The following OTX2 variants were observed in gnomAD, a reference collection of about 807,000 sequenced individuals.
The protein encoded by OTX2 is homeobox protein OTX2.
In OTX2, 4 loss-of-function variants were observed where a neutral mutation model predicts 29.0. The ratio of observed to expected loss-of-function variants is 0.14; its 90% CI spans 0.07 to 0.32. The LOEUF (loss-of-function observed/expected upper bound fraction) is 0.32, where lower values mean the gene tolerates loss of function less well. Ranked by LOEUF, OTX2 falls within the 10% of genes least tolerant of loss-of-function variation. The pLI, the probability that OTX2 is intolerant of heterozygous loss-of-function variation, is 1.00. For missense variants in OTX2, 298 were observed against 365.9 expected, an observed-to-expected ratio of 0.81 and a Z score of 1.51; for synonymous variants, 134 against 141.0, an observed-to-expected ratio of 0.95 and a Z score of 0.35.
At chr14:56,808,656 T>A (rs887532766) in intron 2 of OTX2, among the ~76,000 whole-genome samples, 1 of 152,130 alleles carries the variant, frequency 6.6e-6, no homozygotes, top group Non-Finnish European at 1.5e-5. Flanking sequence ...TTTTGGTGCC[T>A]GTAAAAAGTC....
intron 2 of OTX2, among the ~76,000 whole-genome samples, chr14:56,806,407 T>C (rs1032019587): frequency 6.6e-6 from 1 of 152,240 alleles, no homozygotes; most frequent in East Asian, 1.9e-4. Flanking sequence ...TATTTAAGCA[T>C]ATTCCAAAAA....
In OTX2 at chr14:56,808,601, T is replaced by TG. The variant is rs1385324567; in HGVS notation, c.-120+1557dup. 2.6e-5 allele frequency among the ~76,000 whole-genome samples: 4 copies of TG among 152,304 alleles called. No homozygotes were observed. In the East Asian group the frequency reaches 7.7e-4, roughly 29 times the overall value. On this transcript the variant is annotated intron_variant, in intron 2 of 4. Transcript: ENST00000672264. ...TGAGGTCTGGGTGTCTACCTTACTC[T>TG]GGGGGGAGGAGTTCCCTCTCCTACT...
chr14:56,804,050 G>A lies in OTX2; in HGVS notation c.273+138C>T, dbSNP rs1302967513. On this transcript the variant is annotated intron_variant, in intron 4 of 4. Coordinates refer to ENST00000672264, the MANE Select transcript of OTX2 (RefSeq NM_021728.4). This position sits in a 1 kb window ranked among gnomAD's most constrained non-coding sequence, Gnocchi z 4.1. ...GGCAAAAAAGGGCAGAAGGAGAATA[G>A]TTTCCTGGCCCCTTAGTGAGTGAAG... is the stretch of plus-strand genomic sequence containing the variant. 4.7e-5 allele frequency: 49 copies of A among 1,041,690 alleles called. No individual in the cohort carries two copies. The highest frequency in any genetic ancestry group is 6.4e-5 in the Non-Finnish European group (44 of 690,558). The allele number at this position is 1,041,690 out of a possible 1,614,324, so 64.5% of individuals were successfully genotyped here. A position where few individuals can be genotyped will look rare whatever the true frequency, so the allele number is the denominator to read the frequency against.
Position 56,804,393 on chromosome 14 carries a change from A to T in OTX2, c.98-30T>A, listed in dbSNP as rs771058050. On this transcript the variant is annotated intron_variant, in intron 3 of 4. Transcript: ENST00000672264. The surrounding 1 kb of genome is among the most constrained non-coding windows in gnomAD (Gnocchi z 4.1). ...AGGGTGGGGGAGCAGTTTCTCAGTCATAGGCGTTTCCGCGGGTTCTCCGAC... is the reference window on the plus strand; with the variant it reads ...AGGGTGGGGGAGCAGTTTCTCAGTCTTAGGCGTTTCCGCGGGTTCTCCGAC... 1.9e-6 allele frequency: 3 copies of T among 1,598,550 alleles called. No homozygotes were observed. Among genetic ancestry groups the T allele is most frequent in the East Asian group, 2.2e-5 (1 of 44,626 alleles).
At chr14:56,809,117 C>A (rs1251887654) in intron 2 of OTX2, among the ~76,000 whole-genome samples, 1 of 152,298 alleles carries the variant, frequency 6.6e-6, no homozygotes, top group South Asian at 2.1e-4. Flanking sequence ...AGCGCGCGGG[C>A]GAGCCCTGCC....
Position 56,801,701 on chromosome 14 carries a change from A to T in OTX2, c.*34T>A, listed in dbSNP as rs182392988. The T allele has an allele frequency of 5.0e-6, 8 of 1,609,410 alleles. No homozygotes were observed. In the East Asian group the frequency reaches 1.8e-4, roughly 36 times the overall value. ...CTGGAATGTCCAGCCCAGTATATTT[A>T]AAAATCACCCACAAAAAGAGGTTCT... On this transcript the variant is annotated 3_prime_UTR_variant, in exon 5 of 5. Coordinates refer to ENST00000672264, the MANE Select transcript of OTX2 (RefSeq NM_021728.4). This position sits in a 1 kb window ranked among gnomAD's most constrained non-coding sequence, Gnocchi z 4.2.
rs957350131 is a variant in OTX2, at chr14:56,800,638, T to G, written c.*1097A>C. On this transcript the variant is annotated 3_prime_UTR_variant, in exon 5 of 5. Transcript: ENST00000672264. ...TCTCTGTCCTAAGAAAAACGTGTTT[T>G]GGGGAGGAAAGGCTGAATGTAGGCT... is the stretch of plus-strand genomic sequence containing the variant. 2.0e-5 allele frequency: 3 copies of G among 152,492 alleles called. No homozygotes were observed. Among genetic ancestry groups the G allele is most frequent in the East Asian group, 3.8e-4 (2 of 5,198 alleles). 9.4% of individuals were successfully genotyped at this position (152,492 alleles called of 1,614,324 possible).
rs1248550401 is a variant in OTX2, at chr14:56,802,459, C to T, written c.274-104G>A. On this transcript the variant is annotated intron_variant, in intron 4 of 4. Transcript: ENST00000672264. The surrounding 1 kb of genome is among the most constrained non-coding windows in gnomAD (Gnocchi z 4.4). ...ATCCTACATGGGCAGATCAGCTAAA[C>T]ACACAATTTCCCCTGCCACTGAAGA... 14 of 1,282,324 alleles carry T rather than the reference C, an allele frequency of 1.1e-5. No homozygotes were observed. Among genetic ancestry groups the T allele is most frequent in the East Asian group, 2.3e-5 (1 of 43,464 alleles). 79.4% of individuals were successfully genotyped at this position (1,282,324 alleles called of 1,614,324 possible). A position where few individuals can be genotyped will look rare whatever the true frequency, so the allele number is the denominator to read the frequency against.
At chr14:56,803,322 C>G (rs563318204) in intron 4 of OTX2, among the ~76,000 whole-genome samples, 10 of 152,326 alleles carry the variant, frequency 6.6e-5, no homozygotes, top group African/African-American at 2.2e-4. Context: ...AGCTCAAGAC[C>G]ACCAACCATT....
At chr14:56,808,055 G>A (rs936296259) in intron 2 of OTX2, among the ~76,000 whole-genome samples, 3 of 151,404 alleles carry the variant, frequency 2.0e-5, no homozygotes, top group South Asian at 4.2e-4. Flanking sequence ...CGCGCCCCCC[G>A]CGCAGCCTTA....
chr14:56,805,257 C>G, intron 3 of OTX2, 103 bp downstream of exon 3: 1 of 780,980 alleles, frequency 1.3e-6, no homozygotes, highest in South Asian at 1.5e-5. Flanking sequence ...TGGGTGGGGA[C>G]AGTGTGACTG....
In OTX2 at chr14:56,805,348, G is replaced by A. The variant is rs28757218; in HGVS notation, c.97+12C>T. On this transcript the variant is annotated intron_variant, in intron 3 of 4. Transcript: ENST00000672264. ...GGAAGAGGGGTGCGGGAGTGCAGCAGGGCTCACTTACCCGGGTAGCCCACG... is the reference window on the plus strand; with the variant it reads ...GGAAGAGGGGTGCGGGAGTGCAGCAAGGCTCACTTACCCGGGTAGCCCACG... 20,923 of 1,583,370 alleles carry A rather than the reference G, an allele frequency of 0.013. 171 individuals are homozygous for A. Among genetic ancestry groups the A allele is most frequent in the Non-Finnish European group, 0.015 (17,776 of 1,152,068 alleles).
Position 56,800,587 on chromosome 14 carries a change from A to G in OTX2, c.*1148T>C, listed in dbSNP as rs1458598610. 1.3e-5 allele frequency: 2 copies of G among 152,240 alleles called. No homozygotes were observed. Among genetic ancestry groups the G allele is most frequent in the East Asian group, 3.9e-4 (2 of 5,192 alleles). The allele number at this position is 152,240 out of a possible 1,614,324, so 9.4% of individuals were successfully genotyped here. A position where few individuals can be genotyped will look rare whatever the true frequency, so the allele number is the denominator to read the frequency against. On this transcript the variant is annotated 3_prime_UTR_variant, in exon 5 of 5. Coordinates refer to ENST00000672264, the MANE Select transcript of OTX2 (RefSeq NM_021728.4). ...TTATGCATAGATTAGCAAAAAAAAA[A>G]AGTAAAAATAAGTTTGCTAATTTAC...
rs1891885079 is a variant in OTX2 at position 56,801,732 on chromosome 14, T to C, written c.*3A>G. The C allele has an allele frequency of 1.2e-6, 2 of 1,613,686 alleles. No homozygotes were observed. Among genetic ancestry groups the C allele is most frequent in the Non-Finnish European group, 1.7e-6 (2 of 1,179,974 alleles). On this transcript the variant is annotated 3_prime_UTR_variant, in exon 5 of 5. Transcript: ENST00000672264. This position sits in a 1 kb window ranked among gnomAD's most constrained non-coding sequence, Gnocchi z 4.2. ...CACCCACAAAAAGAGGTTCTACAGG[T>C]CTTCACAAAACCTGGAATTTCCACG...
chr14:56,801,532 A>C lies in OTX2; in HGVS notation c.*203T>G, dbSNP rs985397680. 1.6e-6 allele frequency: 1 copy of C among 613,600 alleles called. No homozygotes were observed. The highest frequency in any genetic ancestry group is 2.0e-5 in the South Asian group (1 of 50,576). The allele number at this position is 613,600 out of a possible 1,614,324, so 38.0% of individuals were successfully genotyped here. On this transcript the variant is annotated 3_prime_UTR_variant, in exon 5 of 5. Transcript: ENST00000672264. This position sits in a 1 kb window ranked among gnomAD's most constrained non-coding sequence, Gnocchi z 4.2. The stretch of plus-strand genomic sequence containing the variant: ...GATCTAAAACTATGACAGGATCTTA[A>C]GCAGATTGGTTTGTCCATTTCATGT...
rs780072062 is a variant in OTX2, at chr14:56,801,709, C to G, written c.*26G>C. On this transcript the variant is annotated 3_prime_UTR_variant, in exon 5 of 5. Coordinates refer to ENST00000672264, the MANE Select transcript of OTX2 (RefSeq NM_021728.4). The surrounding 1 kb of genome is among the most constrained non-coding windows in gnomAD (Gnocchi z 4.2). ...TCCAGCCCAGTATATTTAAAAATCACCCACAAAAAGAGGTTCTACAGGTCT... is the reference window on the plus strand; with the variant it reads ...TCCAGCCCAGTATATTTAAAAATCAGCCACAAAAAGAGGTTCTACAGGTCT... 1 of 1,611,678 alleles carries G rather than the reference C, an allele frequency of 6.2e-7. No homozygotes were observed.
intron 2 of OTX2, among the ~76,000 whole-genome samples, chr14:56,805,890 C>A (rs1892076082): frequency 6.7e-6 from 1 of 148,936 alleles, no homozygotes; most frequent in Non-Finnish European, 1.5e-5. Context: ...CCTTCAAATG[C>A]ACACATTGCA....
At position 56,802,239 on chromosome 14, in the gene OTX2, A is replaced by T. The variant is rs1891916719; in HGVS notation, c.390T>A (p.Ser130Arg). The T allele has an allele frequency of 6.2e-7, 1 of 1,613,734 alleles. No individual in the cohort carries two copies. The highest frequency in any genetic ancestry group is 8.5e-7 in the Non-Finnish European group (1 of 1,179,980). Residue 130 changes from serine (S) to arginine (R), a missense_variant, in exon 5 of 5, where the codon AGT becomes AGA. Around this residue, in one of 3 missense-constraint regions of OTX2, gnomAD observed 219 missense variants for 223.5 expected, o/e 0.98. Coordinates refer to ENST00000672264, the MANE Select transcript of OTX2 (RefSeq NM_021728.4). This position sits in a 1 kb window ranked among gnomAD's most constrained non-coding sequence, Gnocchi z 4.4. Reference protein sequence around the residue: ...KKKTSPAREVSSESGTSGQFT... With the variant: ...KKKTSPAREVRSESGTSGQFT... The stretch of plus-strand genomic sequence containing the variant: ...ATTGGCCACTTGTTCCACTCTCTGA[A>T]CTCACTTCCCGAGCTGGAGATGTCT...
At position 56,801,603 on chromosome 14, in the gene OTX2, G is replaced by A; in HGVS notation, c.*132C>T. ...TAAGGCCCTTCGTTTTTCCTTCTAT[G>A]CCTCTCGGAACTTTGATCAGATGAG... On this transcript the variant is annotated 3_prime_UTR_variant, in exon 5 of 5. Coordinates refer to ENST00000672264, the MANE Select transcript of OTX2 (RefSeq NM_021728.4). The surrounding 1 kb of genome is among the most constrained non-coding windows in gnomAD (Gnocchi z 4.2). 9.5e-7 allele frequency: 1 copy of A among 1,048,386 alleles called. No individual in the cohort carries two copies. The highest frequency in any genetic ancestry group is 1.5e-6 in the Non-Finnish European group (1 of 684,222). The allele number at this position is 1,048,386 out of a possible 1,614,324, so 64.9% of individuals were successfully genotyped here.
Sources: gnomAD v4.1 joint callset for allele counts (sites outside exome capture counted in the v4.1 genomes callset) on GRCh38, gnomAD v4.1.1 for gene constraint, gnomAD v4.1.1 regional missense constraint, Gnocchi (gnomAD v3.1) non-coding constraint, MANE v1.5 for transcripts, NCBI Gene and HGNC (gene_info 2026-07-23, HGNC 2026-07-21) for gene names.